The following PDZD7 variants were observed in gnomAD, a reference collection of about 807,000 sequenced individuals.
PDZD7 encodes the protein PDZ domain containing 7.
In PDZD7, 72 loss-of-function variants were observed where a neutral mutation model predicts 84.7. The observed-to-expected ratio is 0.85, with a 90% CI of 0.70 to 1.03. PDZD7 has a LOEUF of 1.03. Ranked by LOEUF, PDZD7 falls within the 50% of genes least tolerant of loss-of-function variation. PDZD7 has a pLI of 0.00. For missense variants in PDZD7, 1,490 were observed against 1,412.9 expected (o/e 1.05, Z -0.87); for synonymous variants, 594 against 580.7 (o/e 1.02, Z -0.33).
Position 101,008,206 on chromosome 10 carries a change from C to T in PDZD7, c.*261G>A, listed in dbSNP as rs1289329078. On this transcript the variant is annotated 3_prime_UTR_variant, in exon 17 of 17. Transcript: ENST00000619208. ...AAGCTCCAGACCTTGGCTTTCTCAC[C>T]CCCTATCCTGGCTTGGGAGGTTGGG... The T allele has an allele frequency of 2.0e-6, 1 of 504,166 alleles. No individual in the cohort carries two copies. The highest frequency in any genetic ancestry group is 1.9e-5 in the African/African-American group (1 of 52,730). The allele number at this position is 504,166 out of a possible 1,614,324, so 31.2% of individuals were successfully genotyped here. A position where few individuals can be genotyped will look rare whatever the true frequency, so the allele number is the denominator to read the frequency against.
Position 101,010,616 on chromosome 10 carries a change from C to T in PDZD7, c.2273G>A (p.Arg758Gln), listed in dbSNP as rs886340534. The stretch of plus-strand genomic sequence containing the variant: ...GATCTGGCTCTGCGGAGGGTGCTCT[C>T]GGCTCAGGGGTTCTGTCAGCAGCCA... ...PNWLLTEPLS[R>Q]EHPPQSQIRG... The change falls in exon 15 of 17, where the codon CGA (arginine) becomes CAA (glutamine). Residue 758 changes from arginine to glutamine, a missense_variant. Transcript: ENST00000619208. The T allele has an allele frequency of 6.0e-6, 9 of 1,502,758 alleles. No homozygotes were observed. The African/African-American group carries it at 6.9e-5, about 12-fold the overall frequency. 93.1% of individuals were successfully genotyped at this position (1,502,758 alleles called of 1,614,324 possible).
chr10:101,007,797 C>A lies in PDZD7; in HGVS notation c.*670G>T. The A allele has an allele frequency of 5.0e-6, 2 of 401,080 alleles. No individual in the cohort carries two copies. The highest frequency in any genetic ancestry group is 9.9e-5 in the South Asian group (1 of 10,084). 24.8% of individuals were successfully genotyped at this position (401,080 alleles called of 1,614,324 possible). Reference sequence around the variant, plus strand: ...ACACTGTAAATTTCTTGTACAAACCCAAAGAAAAAATTAAAAAAAATTTTT... The same window carrying A: ...ACACTGTAAATTTCTTGTACAAACCAAAAGAAAAAATTAAAAAAAATTTTT... On this transcript the variant is annotated 3_prime_UTR_variant, in exon 17 of 17. Coordinates refer to ENST00000619208, the MANE Select transcript of PDZD7 (RefSeq NM_001195263.2).
chr10:101,017,891 GA>G lies in PDZD7; in HGVS notation c.1522+207del, dbSNP rs66819144. On this transcript the variant is annotated intron_variant, in intron 9 of 16. Transcript: ENST00000619208. The stretch of plus-strand genomic sequence containing the variant: ...AGAAAGAAAGAAAGAAAGAAAGAAA[GA>G]AAAGAAAGAAAGAAAGAAAGAAAAG... 0.029 allele frequency: 4,381 copies of G among 150,672 alleles called. 99 individuals carry two copies. Among genetic ancestry groups the G allele is most frequent in the African/African-American group, 0.092 (1,828 of 19,924 alleles). 9.3% of individuals were successfully genotyped at this position (150,672 alleles called of 1,614,324 possible).
chr10:101,030,174 C>A lies in PDZD7; in HGVS notation c.46G>T (p.Asp16Tyr), dbSNP rs1371694145. The A allele has an allele frequency of 6.2e-7, 1 of 1,613,648 alleles. No individual in the cohort carries two copies. The highest frequency in any genetic ancestry group is 2.2e-5 in the East Asian group (1 of 44,862). The change falls in exon 2 of 17, where the codon GAC (aspartate) becomes TAC (tyrosine). Residue 16 changes from aspartate to tyrosine, a missense_variant. Coordinates refer to ENST00000619208, the MANE Select transcript of PDZD7 (RefSeq NM_001195263.2). The part of the protein sequence containing the change: ...AVGFDPLGLG[D>Y]LSSGSLSSLS... ...GAGCTCAGAGAGCCGGAGCTCAGGT[C>A]TCCTAGGCCCAGTGGGTCGAAGCCC... is the stretch of plus-strand genomic sequence containing the variant.
At chr10:101,026,291 T>C (rs912728291) in intron 2 of PDZD7, among the ~76,000 whole-genome samples, 2 of 152,074 alleles carry the variant, frequency 1.3e-5, no homozygotes, top group African/African-American at 4.8e-5. Flanking sequence ...TGTGCCACCA[T>C]GCCGGGCAAA....
At chr10:101,029,144 TCCTGTCTTGCTCATCAGCTGTTAGTCA>T (rs1167967198) in intron 2 of PDZD7, among the ~76,000 whole-genome samples, 1 of 152,216 alleles carries the variant, frequency 6.6e-6, no homozygotes, top group Non-Finnish European at 1.5e-5. Flanking sequence ...GCATTCTAGG[TCCTGTCTTGCTCATCAGCTGTTAGTCA>T]CCTCACATCT....
intron 3 of PDZD7, 52 bp from the exon 4 acceptor site, chr10:101,023,662 C>T (rs781308605): frequency 4.4e-6 from 7 of 1,594,344 alleles, no homozygotes; most frequent in Non-Finnish European, 5.1e-6. Context: ...TGGGGCTGAG[C>T]CTCCCCCATC....
chr10:101,027,543 A>G (rs1937793081), intron 2 of PDZD7, among the ~76,000 whole-genome samples: 1 of 152,170 alleles, frequency 6.6e-6, no homozygotes. Context: ...AAAAACGGGA[A>G]TTCCTTCGCT....
chr10:101,015,919 T>C (rs1852603997), intron 10 of PDZD7, 108 bp from the exon 11 acceptor site: 1 of 1,220,660 alleles, frequency 8.2e-7, no homozygotes, highest in African/African-American at 1.5e-5. Flanking sequence ...AATCCTAGCC[T>C]AGCCTATATG....
rs1381741048 is a variant in PDZD7, at chr10:101,012,389, G to T, written c.1750-131C>A. On this transcript the variant is annotated intron_variant, in intron 11 of 16. Transcript: ENST00000619208. ...TCCAGCCCTGCGTGCCTTGGGAAAG[G>T]TTCACTCCACCCCCAGCTGCCACAG... is the stretch of plus-strand genomic sequence containing the variant. 7.4e-5 allele frequency: 57 copies of T among 774,438 alleles called. 1 individual carries two copies. Among genetic ancestry groups the T allele is most frequent in the South Asian group, 7.2e-4 (47 of 64,868 alleles). 48.0% of individuals were successfully genotyped at this position (774,438 alleles called of 1,614,324 possible).
In PDZD7 at chr10:101,012,153, C is replaced by A; in HGVS notation, c.1841+14G>T. On this transcript the variant is annotated intron_variant, in intron 12 of 16. Coordinates refer to ENST00000619208, the MANE Select transcript of PDZD7 (RefSeq NM_001195263.2). The stretch of plus-strand genomic sequence containing the variant: ...CCTTCCTGCCCCCAAGCCCTCTCTG[C>A]AACCTCCTCCCACCTGATGTCCTGC... 6.5e-7 allele frequency: 1 copy of A among 1,549,700 alleles called. No homozygotes were observed. The highest frequency in any genetic ancestry group is 8.7e-7 in the Non-Finnish European group (1 of 1,146,300).
intron 15 of PDZD7, among the ~76,000 whole-genome samples, chr10:101,009,830 C>T (rs1852335842): frequency 6.6e-6 from 1 of 152,122 alleles, no homozygotes; most frequent in African/African-American, 2.4e-5. Context: ...TGGTCTTGAA[C>T]TCCTGACCTC....
At chr10:101,016,230 C>A in intron 10 of PDZD7, 147 bp downstream of exon 10, 1 of 819,160 alleles carries the variant, frequency 1.2e-6, no homozygotes, top group Non-Finnish European at 2.0e-6. Context: ...TTTTAGCTGC[C>A]CCCAATACAT....
chr10:101,017,752 C>T (rs1590055769), intron 9 of PDZD7: 1 of 552,130 alleles, frequency 1.8e-6, no homozygotes, highest in East Asian at 3.1e-5. Context: ...TGCCATTACA[C>T]TCTCGCCTGG....
Position 101,010,302 on chromosome 10 carries a change from C to G in PDZD7, c.2587G>C (p.Val863Leu). Residue 863 changes from valine to leucine, a missense_variant, in exon 15 of 17, where the codon GTG becomes CTG. By Grantham distance (32) the Val-to-Leu change is conservative. Coordinates refer to ENST00000619208, the MANE Select transcript of PDZD7 (RefSeq NM_001195263.2). ...GACTGCTTCATCTTGGACAGTGTCA[C>G]TGTCTTCAGCTCGCCACTGGGGTTC... ...MKNPSGELKTVTLSKMKQSLG... is the reference protein window; with the variant it reads ...MKNPSGELKTLTLSKMKQSLG... 6.5e-7 allele frequency: 1 copy of G among 1,534,550 alleles called. No individual in the cohort carries two copies. Among genetic ancestry groups the G allele is most frequent in the South Asian group, 1.2e-5 (1 of 84,032 alleles).
chr10:101,017,747 T>G lies in PDZD7; in HGVS notation c.1522+352A>C, dbSNP rs1852705389. 23 of 578,418 alleles carry G rather than the reference T, an allele frequency of 4.0e-5. 2 individuals are homozygous for G. The South Asian group carries it at 4.9e-4, about 12-fold the overall frequency. The allele number at this position is 578,418 out of a possible 1,614,324, so 35.8% of individuals were successfully genotyped here. On this transcript the variant is annotated intron_variant, in intron 9 of 16. Coordinates refer to ENST00000619208, the MANE Select transcript of PDZD7 (RefSeq NM_001195263.2). ...GTCGCAGTGAGCTGAGATGGTGCCA[T>G]TACACTCTCGCCTGGGCAACAAGAG... is the stretch of plus-strand genomic sequence containing the variant.
intron 4 of PDZD7, chr10:101,023,070 CTTTTTTTTT>C (rs1161602421): frequency 0.011 from 1,470 of 127,848 alleles, 37 homozygotes; most frequent in South Asian, 0.04. Context: ...CCATGCCCGG[CTTTTTTTTT>C]TTTTTTTTTT....
intron 3 of PDZD7, 29 bp from the exon 4 acceptor site, chr10:101,023,639 TG>T: frequency 6.2e-7 from 1 of 1,607,696 alleles, no homozygotes; most frequent in Non-Finnish European, 8.5e-7. Context: ...GTGGCTGGCA[TG>T]GGTCCCCAGG....
At position 101,015,061 on chromosome 10, in the gene PDZD7, G is replaced by A. The variant is rs866012570; in HGVS notation, c.1749+575C>T. Among the ~76,000 whole-genome samples, 6 of 152,126 alleles carry A rather than the reference G, an allele frequency of 3.9e-5. No homozygotes were observed. In the South Asian group the frequency reaches 8.3e-4, roughly 21 times the overall value. ...TCTGACTCTCTCTCCACCCTGGGGC[G>A]CTCTGGTTCTTTTTGAAGTGGAAGA... On this transcript the variant is annotated intron_variant, in intron 11 of 16. Transcript: ENST00000619208.
Sources: allele counts gnomAD v4.1 joint callset (sites outside exome capture counted in the v4.1 genomes callset), GRCh38; gene constraint gnomAD v4.1.1; transcripts MANE v1.5; gene names NCBI Gene and HGNC (gene_info 2026-07-23, HGNC 2026-07-21).